Variants in FGFRL1 observed in about 807,000 individuals in gnomAD.
FGFRL1 encodes fibroblast growth factor receptor-like 1.
In FGFRL1, 24 loss-of-function variants were observed where a neutral mutation model predicts 36.8. That is an observed-to-expected ratio of 0.65 (90% CI 0.47 to 0.92). The LOEUF (loss-of-function observed/expected upper bound fraction) is 0.92, where lower values mean the gene tolerates loss of function less well. FGFRL1 is among the 40% of genes least tolerant of loss of function. FGFRL1 has a pLI of 0.00. For missense variants in FGFRL1, 785 were observed against 753.4 expected (o/e 1.04, Z -0.49); for synonymous variants, 422 against 344.1 (o/e 1.23, Z -2.50).
rs905106314 is a variant in FGFRL1 at position 1,012,256 on chromosome 4, G to T, written c.-16-214G>T. On this transcript the variant is annotated intron_variant, in intron 1 of 6. Coordinates refer to ENST00000510644, the MANE Select transcript of FGFRL1 (RefSeq NM_001004356.3). ...CAGGAATCCAGACGGTGTTTGGAGA[G>T]GGGGGGCGGCGGGGGAGCCCGGTAA... 6.4e-5 allele frequency: 32 copies of T among 500,536 alleles called. 2 individuals carry two copies. In the South Asian group the frequency reaches 8.1e-4, roughly 13 times the overall value. The allele number at this position is 500,536 out of a possible 1,614,324, so 31.0% of individuals were successfully genotyped here.
intron 1 of FGFRL1, 119 bp from the exon 2 acceptor site, chr4:1,012,351 C>G: frequency 6.1e-6 from 7 of 1,147,380 alleles, no homozygotes; most frequent in Non-Finnish European, 8.4e-6. Context: ...CCGCCTGGAG[C>G]GCGGGCGGGG....
At chr4:1,013,310 A>G (rs1715708818) in intron 2 of FGFRL1, among the ~76,000 whole-genome samples, 1 of 152,240 alleles carries the variant, frequency 6.6e-6, no homozygotes, top group Non-Finnish European at 1.5e-5. Context: ...GGATCCGGGC[A>G]CAGCGCTGGC....
intron 2 of FGFRL1, among the ~76,000 whole-genome samples, chr4:1,013,032 C>T (rs1715688033): frequency 6.6e-6 from 1 of 152,128 alleles, no homozygotes; most frequent in South Asian, 2.1e-4. Context: ...AAACTGACCC[C>T]CAGACCCCCA....
intron 2 of FGFRL1, among the ~76,000 whole-genome samples, chr4:1,015,166 G>A (rs111443058): frequency 0.015 from 2,236 of 152,302 alleles, 51 homozygotes; most frequent in African/African-American, 0.049. Flanking sequence ...CCCTCTGTGC[G>A]GCCCGGGCTT....
chr4:1,013,984 C>T (rs1715747634), intron 2 of FGFRL1, among the ~76,000 whole-genome samples: 1 of 152,226 alleles, frequency 6.6e-6, no homozygotes, highest in African/African-American at 2.4e-5. Flanking sequence ...GCAGGGGCCT[C>T]TGTGGTTTGG....
At position 1,011,757 on chromosome 4, in the gene FGFRL1, A is replaced by C. The variant is rs1715594172; in HGVS notation, c.-214A>C. On this transcript the variant is annotated 5_prime_UTR_variant, in exon 1 of 7. Transcript: ENST00000510644. ...GCCCCCGCCGCCTGCCCGGTCCGGG[A>C]CCCCGCGCCCCGAGCGCCCGAGCCC... The C allele has an allele frequency of 8.5e-6, 1 of 117,610 alleles. No homozygotes were observed. Among genetic ancestry groups the C allele is most frequent in the African/African-American group, 3.1e-5 (1 of 31,980 alleles). The allele number at this position is 117,610 out of a possible 1,614,324, so 7.3% of individuals were successfully genotyped here. A position where few individuals can be genotyped will look rare whatever the true frequency, so the allele number is the denominator to read the frequency against.
At position 1,024,902 on chromosome 4, in the gene FGFRL1, C is replaced by T. The variant is rs759211786; in HGVS notation, c.1073-3C>T. 9.5e-6 allele frequency: 15 copies of T among 1,584,674 alleles called. No individual in the cohort carries two copies. Among genetic ancestry groups the T allele is most frequent in the African/African-American group, 1.3e-5 (1 of 74,344 alleles). ...CCTACCTCCTTTCCTCTCGCTCTTGCAGACCCAAAACCGCCAGGGCCACCT... is the reference window on the plus strand; with the variant it reads ...CCTACCTCCTTTCCTCTCGCTCTTGTAGACCCAAAACCGCCAGGGCCACCT... On this transcript the variant is annotated splice_polypyrimidine_tract_variant and splice_region_variant and intron_variant, in intron 6 of 6. Coordinates refer to ENST00000510644, the MANE Select transcript of FGFRL1 (RefSeq NM_001004356.3).
chr4:1,019,968 A>G (rs1287279211), intron 2 of FGFRL1, among the ~76,000 whole-genome samples: 1 of 152,180 alleles, frequency 6.6e-6, no homozygotes, highest in Non-Finnish European at 1.5e-5. Flanking sequence ...CCAGCGGCCA[A>G]TGATGCCTGT....
intron 5 of FGFRL1, 38 bp from the exon 6 acceptor site, chr4:1,024,273 C>G: frequency 1.3e-6 from 2 of 1,545,472 alleles, no homozygotes; most frequent in Non-Finnish European, 1.7e-6. Context: ...GAGTCCGGCG[C>G]GGCCCAGGAG....
chr4:1,012,536 G>A lies in FGFRL1; in HGVS notation c.51G>A (p.Gly17=), dbSNP rs756947825. The change falls in exon 2 of 7, where the codon GGG becomes GGA. Residue 17 remains glycine, a synonymous_variant. Coordinates refer to ENST00000510644, the MANE Select transcript of FGFRL1 (RefSeq NM_001004356.3). ...TCCTGCTGCCGCCGCTGCTGCTGGG[G>A]GCCTTCCCGCCGGCCGCCGCCGCCC... The part of the protein sequence containing the change: ...LLLLLPPLLL[G]AFPPAAAARG... 3.9e-6 allele frequency: 6 copies of A among 1,524,348 alleles called. No individual in the cohort carries two copies. In the South Asian group the frequency reaches 4.8e-5, roughly 12 times the overall value. 94.4% of individuals were successfully genotyped at this position (1,524,348 alleles called of 1,614,324 possible).
intron 2 of FGFRL1, among the ~76,000 whole-genome samples, chr4:1,019,191 C>A (rs1408957689): frequency 6.6e-5 from 10 of 152,236 alleles, no homozygotes; most frequent in Non-Finnish European, 2.9e-5. Context: ...GCTGGGAAAC[C>A]TTCCCGAAGT....
chr4:1,012,496 G>A lies in FGFRL1; in HGVS notation c.11G>A (p.Ser4Asn). The A allele has an allele frequency of 6.4e-7, 1 of 1,571,576 alleles. No individual in the cohort carries two copies. Among genetic ancestry groups the A allele is most frequent in the Non-Finnish European group, 8.6e-7 (1 of 1,164,060 alleles). Residue 4 changes from serine to asparagine, a missense_variant, in exon 2 of 7, where the codon AGC becomes AAC. Physicochemically the swap from Ser to Asn is conservative, Grantham distance 46. Transcript: ENST00000510644. Reference sequence around the variant, plus strand: ...TCCGGACAGGCCGAGATGACGCCGAGCCCCCTGTTGCTGCTCCTGCTGCCG... The same window carrying A: ...TCCGGACAGGCCGAGATGACGCCGAACCCCCTGTTGCTGCTCCTGCTGCCG... MTP[S>N]PLLLLLLPPL...
chr4:1,024,093 A>G lies in FGFRL1; in HGVS notation c.710A>G (p.Asp237Gly). 1 of 1,542,884 alleles carries G rather than the reference A, an allele frequency of 6.5e-7. No individual in the cohort carries two copies. Among genetic ancestry groups the G allele is most frequent in the Non-Finnish European group, 8.8e-7 (1 of 1,140,354 alleles). ...GCCATCAACGCCACCTACAAGGTGG[A>G]TGTGATCCGTGAGTGTGGCCCCGGG... ...AGAINATYKV[D>G]VIQRTRSKPV... Residue 237 changes from aspartate to glycine, a missense_variant, in exon 5 of 7, where the codon GAT (aspartate) becomes GGT (glycine). Physicochemically the swap from Asp to Gly is moderately conservative, Grantham distance 94 (BLOSUM62 -1). Transcript: ENST00000510644.
chr4:1,022,870 C>T (rs746251452), intron 3 of FGFRL1, among the ~76,000 whole-genome samples: 11 of 152,148 alleles, frequency 7.2e-5, no homozygotes, highest in Non-Finnish European at 1.5e-4. Context: ...TTCTCTTCTG[C>T]GCCTGGGGCC....
chr4:1,022,713 C>T (rs1054126060), intron 3 of FGFRL1, among the ~76,000 whole-genome samples: 3 of 152,208 alleles, frequency 2.0e-5, no homozygotes, highest in Non-Finnish European at 2.9e-5. Flanking sequence ...CAGCGGAGGG[C>T]GGAGGGTGGA....
chr4:1,018,999 C>G (rs62294559), intron 2 of FGFRL1, among the ~76,000 whole-genome samples: 1 of 152,168 alleles, frequency 6.6e-6, no homozygotes, highest in Admixed American at 6.5e-5. Flanking sequence ...GCTTGCAGGC[C>G]GGCCCTGGGG....
intron 5 of FGFRL1, 96 bp downstream of exon 5, chr4:1,024,197 G>C (rs935344059): frequency 1.7e-5 from 19 of 1,091,178 alleles, no homozygotes; most frequent in Non-Finnish European, 2.3e-5. Context: ...TGGTGGGCGG[G>C]GGCACTGGCA....
chr4:1,017,628 C>T (rs1196280813), intron 2 of FGFRL1, among the ~76,000 whole-genome samples: 10 of 152,206 alleles, frequency 6.6e-5, no homozygotes, highest in Admixed American at 5.2e-4. Flanking sequence ...GTGCAGGGTG[C>T]ACTGGAAAGT....
At chr4:1,024,254 G>A (rs1195707546) in intron 5 of FGFRL1, 57 bp from the exon 6 acceptor site, 1 of 1,525,476 alleles carries the variant, frequency 6.6e-7, no homozygotes, top group African/African-American at 1.4e-5. Context: ...CCAGGGTGCT[G>A]GCGGGGTAGA....
Sources: allele counts gnomAD v4.1 joint callset (sites outside exome capture counted in the v4.1 genomes callset), GRCh38; gene constraint gnomAD v4.1.1; transcripts MANE v1.5; gene names NCBI Gene and HGNC (gene_info 2026-07-23, HGNC 2026-07-21).